Variants in B4GALT6 observed in about 807,000 individuals in gnomAD.
B4GALT6 encodes UDP-Gal:beta-GlcNAc beta-1,4-galactosyltransferase 6.
B4GALT6 carries 14 observed loss-of-function variants against 46.3 expected under a neutral mutation model. That is an observed-to-expected ratio of 0.30 (90% CI 0.20 to 0.47). The LOEUF (loss-of-function observed/expected upper bound fraction) is 0.47. Among genes scored for constraint, B4GALT6 ranks in the 20% least tolerant of loss-of-function variants. The pLI, the probability that B4GALT6 is intolerant of heterozygous loss-of-function variation, is 0.99. For synonymous variants in B4GALT6, 168 were observed against 162.0 expected (o/e 1.04, Z -0.28); for missense variants, 386 against 480.1 (o/e 0.80, Z 1.83).
At chr18:31,642,018 T>C (rs1158229168) in intron 4 of B4GALT6, among the ~76,000 whole-genome samples, 2 of 152,178 alleles carry the variant, frequency 1.3e-5, no homozygotes. Flanking sequence ...TAGTAAGCCC[T>C]CATTCTCCTT....
At chr18:31,649,822 G>A (rs1263569775) in intron 3 of B4GALT6, among the ~76,000 whole-genome samples, 2 of 152,210 alleles carry the variant, frequency 1.3e-5, no homozygotes, top group African/African-American at 2.4e-5. Flanking sequence ...ATGTAAGTTA[G>A]TTCAGCCACT....
intron 8 of B4GALT6, among the ~76,000 whole-genome samples, chr18:31,626,050 C>T (rs537470961): frequency 3.3e-5 from 5 of 152,178 alleles, no homozygotes; most frequent in East Asian, 1.9e-4. Context: ...AATAGTTAAC[C>T]GGGCTCTTTA....
intron 3 of B4GALT6, among the ~76,000 whole-genome samples, chr18:31,649,660 C>G (rs1050936041): frequency 9.3e-5 from 14 of 149,930 alleles, no homozygotes; most frequent in African/African-American, 3.4e-4. Flanking sequence ...AAAAAATGCT[C>G]CAAATCACAA....
At chr18:31,715,802 G>A in the B4GALT6 span, among the ~76,000 whole-genome samples, 1 of 151,774 alleles carries the variant, frequency 6.6e-6, no homozygotes, top group Non-Finnish European at 1.5e-5. Context: ...GCCCACCTCA[G>A]CCTCCCAAAG....
chr18:31,666,415 C>CT, intron 1 of B4GALT6, 43 bp from the exon 2 acceptor site: 65 of 937,766 alleles, frequency 6.9e-5, no homozygotes, highest in South Asian at 3.3e-4. Context: ...ACACAGTAAG[C>CT]TTTTTTTTAT....
intron 4 of B4GALT6, among the ~76,000 whole-genome samples, chr18:31,641,600 C>G (rs1048372905): frequency 6.6e-6 from 1 of 152,162 alleles, no homozygotes; most frequent in Non-Finnish European, 1.5e-5. Flanking sequence ...TCAGGACATT[C>G]TTCTATGTGC....
the B4GALT6 span, among the ~76,000 whole-genome samples, chr18:31,722,475 A>G: frequency 6.6e-6 from 1 of 152,198 alleles, no homozygotes. Flanking sequence ...TTTATAAGGA[A>G]AGGATGCAGA....
At position 31,625,518 on chromosome 18, in the gene B4GALT6, G is replaced by A. The variant is rs1467161105; in HGVS notation, c.*96C>T. ...CTGCTGGCTCTTCTCAGAGAAAAGG[G>A]CACTGTGACACAGCCAATCACTGAC... On this transcript the variant is annotated 3_prime_UTR_variant, in exon 9 of 9. Transcript: ENST00000306851. The A allele has an allele frequency of 4.4e-6, 6 of 1,358,418 alleles. No individual in the cohort carries two copies. The highest frequency in any genetic ancestry group is 3.9e-5 in the Admixed American group (2 of 50,854). 84.1% of individuals were successfully genotyped at this position (1,358,418 alleles called of 1,614,324 possible). A position where few individuals can be genotyped will look rare whatever the true frequency, so the allele number is the denominator to read the frequency against.
chr18:31,636,101 T>C (rs1567961268), intron 5 of B4GALT6, among the ~76,000 whole-genome samples: 1 of 152,236 alleles, frequency 6.6e-6, no homozygotes, highest in East Asian at 1.9e-4. Flanking sequence ...CAAGTGGTGA[T>C]GAAACAACTA....
At chr18:31,659,703 A>G (rs1324884436) in intron 2 of B4GALT6, among the ~76,000 whole-genome samples, 1 of 152,152 alleles carries the variant, frequency 6.6e-6, no homozygotes, top group Non-Finnish European at 1.5e-5. Context: ...GAAAGCCCCA[A>G]TGAGACAATC....
chr18:31,708,514 G>A, the B4GALT6 span, among the ~76,000 whole-genome samples: 1 of 152,154 alleles, frequency 6.6e-6, no homozygotes, highest in East Asian at 1.9e-4. Flanking sequence ...GCAGTGAGCT[G>A]AGATCGTGCC....
chr18:31,626,893 A>G (rs1390615745), intron 7 of B4GALT6, 106 bp downstream of exon 7: 5 of 949,762 alleles, frequency 5.3e-6, no homozygotes, highest in Admixed American at 2.7e-5. Flanking sequence ...CCTCAAACAT[A>G]TCCCATCCCA....
chr18:31,657,949 T>C, intron 3 of B4GALT6, 27 bp downstream of exon 3: 1 of 1,553,792 alleles, frequency 6.4e-7, no homozygotes, highest in South Asian at 1.1e-5. Flanking sequence ...AAGTAAACAG[T>C]TAAGTCAAAA....
In B4GALT6 at chr18:31,638,293, C is replaced by T. The variant is rs192491971; in HGVS notation, c.588+351G>A. ...CTGTAATCCTAGCACTTTAGGAGGCCGAGGGGGGTGGATCACGAGATCAGG... is the reference window on the plus strand; with the variant it reads ...CTGTAATCCTAGCACTTTAGGAGGCTGAGGGGGGTGGATCACGAGATCAGG... On this transcript the variant is annotated intron_variant, in intron 5 of 8. Transcript: ENST00000306851. Among the ~76,000 whole-genome samples, 255 of 152,026 alleles carry T rather than the reference C, an allele frequency of 1.7e-3. 1 individual carries two copies. The highest frequency in any genetic ancestry group is 6.5e-3 in the Admixed American group (100 of 15,268).
At chr18:31,669,033 A>G (rs1172359738) in intron 1 of B4GALT6, among the ~76,000 whole-genome samples, 1 of 150,768 alleles carries the variant, frequency 6.6e-6, no homozygotes, top group African/African-American at 2.4e-5. Context: ...AAAAAAAAAA[A>G]GTTGTAATCA....
chr18:31,709,551 A>ATG, the B4GALT6 span, among the ~76,000 whole-genome samples: 1 of 103,990 alleles, frequency 9.6e-6, no homozygotes, highest in East Asian at 2.7e-4. Flanking sequence ...AATAGGATAT[A>ATG]TATGTGTGTG....
chr18:31,718,680 C>G, the B4GALT6 span, among the ~76,000 whole-genome samples: 1 of 152,140 alleles, frequency 6.6e-6, no homozygotes, highest in Non-Finnish European at 1.5e-5. Flanking sequence ...ATATTCCACC[C>G]CCTGCCTCCT....
the B4GALT6 span, among the ~76,000 whole-genome samples, chr18:31,709,434 CAT>C: frequency 0.021 from 2,713 of 130,638 alleles, 50 homozygotes; most frequent in South Asian, 0.064. Flanking sequence ...GCAATTCATA[CAT>C]ATATATATAT....
chr18:31,697,739 C>T, the B4GALT6 span, among the ~76,000 whole-genome samples: 1 of 152,088 alleles, frequency 6.6e-6, no homozygotes, highest in East Asian at 1.9e-4. Flanking sequence ...TCACGCTAAG[C>T]CTCCTTTTCA....
Sources: gnomAD v4.1 joint callset for allele counts (sites outside exome capture counted in the v4.1 genomes callset) on GRCh38, gnomAD v4.1.1 for gene constraint, MANE v1.5 for transcripts, NCBI Gene and HGNC (gene_info 2026-07-23, HGNC 2026-07-21) for gene names.